DNAH8: variants seen among roughly 807,000 people sequenced by gnomAD.
DNAH8 encodes the protein dynein axonemal heavy chain 8, also known as axonemal beta dynein heavy chain 8.
Under a neutral mutation model 562.1 loss-of-function variants are expected in DNAH8, and 382 were observed. The observed-to-expected ratio is 0.68, with a 90% confidence interval of 0.63 to 0.74. The LOEUF (loss-of-function observed/expected upper bound fraction) is 0.74. DNAH8 is among the 30% of genes least tolerant of loss of function. The probability of loss-of-function intolerance (pLI) is 0.00; values close to 1 mark genes in which losing one functional copy is unlikely to be tolerated. For synonymous variants in DNAH8, 1,881 were observed against 1,919.4 expected (o/e 0.98, Z 0.52); for missense variants, 5,203 against 5,620.4 (o/e 0.93, Z 2.37).
rs769934728 is a variant in DNAH8 at position 38,803,184 on chromosome 6, C to T, written c.2907C>T (p.Tyr969=). The T allele has an allele frequency of 6.3e-7, 1 of 1,592,250 alleles. No homozygotes were observed. Among genetic ancestry groups the T allele is most frequent in the Non-Finnish European group, 8.5e-7 (1 of 1,169,946 alleles). ...GTCATTTCTTTATTTAACAGACATA[C>T]ACAAAAGAATGGGCTGACATTCTAA... ...VEDMLTLNET[Y]TKEWADILNH... Residue 969 remains tyrosine (Y), a synonymous_variant, in exon 22 of 93, where the codon TAC becomes TAT. Coordinates refer to ENST00000327475, the MANE Select transcript of DNAH8 (RefSeq NM_001206927.2).
At chr6:39,010,795 G>A (rs955079140) in intron 89 of DNAH8, among the ~76,000 whole-genome samples, 4 of 123,394 alleles carry the variant, frequency 3.2e-5, no homozygotes, top group African/African-American at 9.9e-5. Flanking sequence ...ACACACGCAC[G>A]TGTACGCACA....
chr6:38,981,981 A>G (rs1764067995), intron 85 of DNAH8, among the ~76,000 whole-genome samples: 1 of 152,184 alleles, frequency 6.6e-6, no homozygotes, highest in African/African-American at 2.4e-5. Flanking sequence ...ATGTGTCTAG[A>G]TACACAAATA....
chr6:38,857,097 G>A (rs913589178), intron 41 of DNAH8, among the ~76,000 whole-genome samples: 1 of 152,176 alleles, frequency 6.6e-6, no homozygotes. Context: ...GAGAGAGGGA[G>A]CAATCAAGAA....
intron 6 of DNAH8, 38 bp downstream of exon 6, chr6:38,737,294 A>G (rs774429271): frequency 8.0e-6 from 10 of 1,257,692 alleles, no homozygotes; most frequent in Non-Finnish European, 1.1e-5. Flanking sequence ...ATTGCAAAAA[A>G]GAAGCAAATT....
intron 57 of DNAH8, among the ~76,000 whole-genome samples, chr6:38,888,430 A>G (rs943203730): frequency 2.6e-5 from 4 of 151,720 alleles, no homozygotes; most frequent in Non-Finnish European, 5.9e-5. Context: ...TCATTAAAAA[A>G]TAACATTAAG....
At chr6:38,835,222 C>G (rs1774181442) in intron 32 of DNAH8, among the ~76,000 whole-genome samples, 1 of 151,492 alleles carries the variant, frequency 6.6e-6, no homozygotes, top group South Asian at 2.1e-4. Flanking sequence ...AAGCAATTCT[C>G]TTCTTTGCTC....
chr6:39,015,131 C>T (rs1027878051), intron 91 of DNAH8, among the ~76,000 whole-genome samples: 2 of 151,924 alleles, frequency 1.3e-5, no homozygotes, highest in Non-Finnish European at 2.9e-5. Context: ...TTGGGAGAGG[C>T]GTAAGGACCA....
In DNAH8 at chr6:38,990,124, C is replaced by T. The variant is rs777852040; in HGVS notation, c.13166C>T (p.Ser4389Phe). The T allele has an allele frequency of 2.5e-6, 4 of 1,610,322 alleles. No homozygotes were observed. The South Asian group carries it at 4.4e-5, about 18-fold the overall frequency. The change falls in exon 88 of 93, where the codon TCC becomes TTC. Residue 4389 changes from serine to phenylalanine, a missense_variant. Coordinates refer to ENST00000327475, the MANE Select transcript of DNAH8 (RefSeq NM_001206927.2). Reference protein sequence around the residue: ...QYFEYIQSLPSLDNPEVFGLH... With the variant: ...QYFEYIQSLPFLDNPEVFGLH... ...TTTGAATACATCCAGTCACTGCCAT[C>T]CCTAGATAACCCTGAAGTCTTTGGG...
At position 38,984,276 on chromosome 6, in the gene DNAH8, T is replaced by G; in HGVS notation, c.13022T>G (p.Phe4341Cys). The G allele has an allele frequency of 1.2e-6, 2 of 1,609,774 alleles. No homozygotes were observed. The highest frequency in any genetic ancestry group is 1.7e-6 in the Non-Finnish European group (2 of 1,176,032). Residue 4341 changes from phenylalanine (F) to cysteine (C), a missense_variant, in exon 87 of 93, where the codon TTT (phenylalanine) becomes TGT (cysteine). Physicochemically the swap from Phe to Cys is radical, Grantham distance 205. Coordinates refer to ENST00000327475, the MANE Select transcript of DNAH8 (RefSeq NM_001206927.2). ...TATGGAGGCAGAGTGACAGATGACT[T>G]TGACAAACGTCTACTTAATTGCTTT... ...VQYGGRVTDD[F>C]DKRLLNCFAR...
chr6:38,899,838 A>G lies in DNAH8; in HGVS notation c.9126A>G (p.Gly3042=), dbSNP rs1304105245. 1 of 1,612,516 alleles carries G rather than the reference A, an allele frequency of 6.2e-7. No individual in the cohort carries two copies. The highest frequency in any genetic ancestry group is 1.7e-5 in the Admixed American group (1 of 59,684). ...NALLVGVGGS[G]KQSLSRLASF... ...TGCTGGTGGGTGTTGGTGGTTCCGG[A>G]AAACAAAGTCTTTCAAGATTGGCCT... Residue 3042 remains glycine, a synonymous_variant, in exon 62 of 93, where the codon GGA becomes GGG. Coordinates refer to ENST00000327475, the MANE Select transcript of DNAH8 (RefSeq NM_001206927.2).
Position 38,722,762 on chromosome 6 carries a change from T to C in DNAH8, c.-34-14T>C. Reference sequence around the variant, plus strand: ...TTTACTGTAGTTTTAAACGAACCTATGTTATAATTCTAGGTTTCGAAGTAT... The same window carrying C: ...TTTACTGTAGTTTTAAACGAACCTACGTTATAATTCTAGGTTTCGAAGTAT... On this transcript the variant is annotated splice_polypyrimidine_tract_variant and intron_variant, in intron 1 of 92. Coordinates refer to ENST00000327475, the MANE Select transcript of DNAH8 (RefSeq NM_001206927.2). The C allele has an allele frequency of 6.6e-7, 1 of 1,509,512 alleles. No homozygotes were observed. The highest frequency in any genetic ancestry group is 8.9e-7 in the Non-Finnish European group (1 of 1,129,362). 93.5% of individuals were successfully genotyped at this position (1,509,512 alleles called of 1,614,324 possible).
At chr6:38,799,500 C>T (rs1770588590) in intron 21 of DNAH8, among the ~76,000 whole-genome samples, 1 of 152,188 alleles carries the variant, frequency 6.6e-6, no homozygotes, top group East Asian at 1.9e-4. Flanking sequence ...TCTCCAAATG[C>T]TCGCACATGC....
At chr6:38,857,902 C>A (rs1363286486) in intron 42 of DNAH8, among the ~76,000 whole-genome samples, 160 bp downstream of exon 42, 1 of 152,092 alleles carries the variant, frequency 6.6e-6, no homozygotes, top group Non-Finnish European at 1.5e-5. Flanking sequence ...TATTGGATGG[C>A]TTAAACAACC....
intron 21 of DNAH8, among the ~76,000 whole-genome samples, chr6:38,792,477 C>G (rs1769853232): frequency 6.6e-6 from 1 of 152,162 alleles, no homozygotes; most frequent in African/African-American, 2.4e-5. Flanking sequence ...TTGACTTTAG[C>G]AATTCATTTG....
rs1003335498 is a variant in DNAH8 at position 38,761,779 on chromosome 6, G to A, written c.1593G>A (p.Thr531=). The part of the protein sequence containing the change: ...GGLNHVWDQE[T]PVVLKKIQDC... The stretch of plus-strand genomic sequence containing the variant: ...TAAACCATGTATGGGATCAGGAAAC[G>A]CCAGTTGTACTAAAGAAAATTCAGG... The change falls in exon 11 of 93, where the codon ACG becomes ACA. Residue 531 remains threonine (T), a synonymous_variant. Transcript: ENST00000327475. 27 of 1,562,010 alleles carry A rather than the reference G, an allele frequency of 1.7e-5. No homozygotes were observed. In the African/African-American group the frequency reaches 2.1e-4, roughly 12 times the overall value.
At chr6:38,817,805 A>G (rs1171916884) in intron 26 of DNAH8, among the ~76,000 whole-genome samples, 1 of 152,202 alleles carries the variant, frequency 6.6e-6, no homozygotes, top group African/African-American at 2.4e-5. Context: ...GGATGTATCT[A>G]TGAATTTACA....
intron 33 of DNAH8, among the ~76,000 whole-genome samples, chr6:38,838,774 G>A (rs1367515774): frequency 1.3e-5 from 2 of 152,102 alleles, no homozygotes; most frequent in Non-Finnish European, 2.9e-5. Context: ...TGAGATTGAC[G>A]TCCAAATAAG....
At chr6:38,899,235 A>G (rs1023115788) in intron 61 of DNAH8, among the ~76,000 whole-genome samples, 4 of 152,158 alleles carry the variant, frequency 2.6e-5, no homozygotes, top group Admixed American at 2.0e-4. Context: ...GCAACACAAC[A>G]TGAAAGGCTG....
Position 38,757,107 on chromosome 6 carries a change from C to G in DNAH8, c.1515+1028C>G, listed in dbSNP as rs541089586. ...TGAGGAATCGCCACACTGACTTCCA[C>G]AATGGTTGAACTAGTTTACAGTCCC... On this transcript the variant is annotated intron_variant, in intron 10 of 92. Transcript: ENST00000327475. Among the ~76,000 whole-genome samples the G allele has an allele frequency of 8.3e-4, 127 of 152,280 alleles. 1 individual carries two copies. The highest frequency in any genetic ancestry group is 2.9e-3 in the African/African-American group (121 of 41,560).
Sources: allele counts gnomAD v4.1 joint callset (sites outside exome capture counted in the v4.1 genomes callset), GRCh38; gene constraint gnomAD v4.1.1; transcripts MANE v1.5; gene names NCBI Gene and HGNC (gene_info 2026-07-23, HGNC 2026-07-21).